ZSWIM6: variants seen among roughly 807,000 people sequenced by gnomAD.
ZSWIM6 encodes the protein zinc finger SWIM domain-containing protein 6.
A neutral mutation model predicts 113.2 loss-of-function variants in ZSWIM6; 9 were observed. The ratio of observed to expected loss-of-function variants is 0.08; its 90% CI spans 0.05 to 0.14. ZSWIM6 has a LOEUF of 0.14. ZSWIM6 is among the 10% of genes least tolerant of loss of function. The probability of loss-of-function intolerance (pLI) is 1.00; values close to 1 mark genes in which losing one functional copy is unlikely to be tolerated. For synonymous variants in ZSWIM6, 611 were observed against 606.5 expected (o/e 1.01, Z -0.11); for missense variants, 1,162 against 1,552.2 (o/e 0.75, Z 4.22).
chr5:61,504,510 G>A (rs923982545), intron 4 of ZSWIM6, among the ~76,000 whole-genome samples: 1 of 152,228 alleles, frequency 6.6e-6, no homozygotes, highest in East Asian at 1.9e-4. Flanking sequence ...CCCATCATAA[G>A]TTCTTTCTGA....
At chr5:61,526,719 G>A (rs1749294833) in intron 7 of ZSWIM6, among the ~76,000 whole-genome samples, 1 of 152,130 alleles carries the variant, frequency 6.6e-6, no homozygotes. Flanking sequence ...TTTTGTGGAA[G>A]TGCATTTTAA....
chr5:61,393,385 T>TA (rs1317892255), intron 1 of ZSWIM6, among the ~76,000 whole-genome samples: 12 of 152,150 alleles, frequency 7.9e-5, no homozygotes, highest in African/African-American at 2.9e-4. Context: ...TTTTCACTAT[T>TA]ATGAACAATT....
chr5:61,353,152 A>T (rs1412838602), intron 1 of ZSWIM6, among the ~76,000 whole-genome samples: 2 of 152,190 alleles, frequency 1.3e-5, no homozygotes, highest in African/African-American at 4.8e-5. Context: ...TTTCTGTCTC[A>T]AAGTGGTCTT....
intron 7 of ZSWIM6, among the ~76,000 whole-genome samples, chr5:61,527,362 T>G (rs1198239077): frequency 6.6e-6 from 1 of 152,190 alleles, no homozygotes; most frequent in Non-Finnish European, 1.5e-5. Flanking sequence ...TTTGGTTATA[T>G]TTTTGTTTTT....
chr5:61,419,192 G>A (rs555509148), intron 1 of ZSWIM6, among the ~76,000 whole-genome samples: 182 of 152,318 alleles, frequency 1.2e-3, no homozygotes, highest in African/African-American at 4.2e-3. Flanking sequence ...AGCCATTGTG[G>A]CCTATAGATT....
At chr5:61,486,482 T>C (rs1748026129) in intron 2 of ZSWIM6, among the ~76,000 whole-genome samples, 1 of 152,204 alleles carries the variant, frequency 6.6e-6, no homozygotes, top group Admixed American at 6.5e-5. Flanking sequence ...CTGGATGGAA[T>C]GGTAGTTCTA....
chr5:61,536,723 C>G (rs1177305509), intron 10 of ZSWIM6, among the ~76,000 whole-genome samples: 1 of 152,146 alleles, frequency 6.6e-6, no homozygotes, highest in African/African-American at 2.4e-5. Flanking sequence ...GTGTATGTGT[C>G]TGTGTGTATA....
chr5:61,507,169 A>C (rs1026599152), intron 4 of ZSWIM6, among the ~76,000 whole-genome samples: 1 of 152,178 alleles, frequency 6.6e-6, no homozygotes, highest in African/African-American at 2.4e-5. Flanking sequence ...TTTTCCTGGG[A>C]TATATGGAGA....
At chr5:61,359,081 G>A (rs1561206271) in intron 1 of ZSWIM6, among the ~76,000 whole-genome samples, 2 of 152,174 alleles carry the variant, frequency 1.3e-5, no homozygotes, top group Non-Finnish European at 2.9e-5. Flanking sequence ...TTATGATAGT[G>A]ATGGTTTGGT....
chr5:61,537,471 C>T (rs1363870038), intron 10 of ZSWIM6, among the ~76,000 whole-genome samples: 1 of 152,066 alleles, frequency 6.6e-6, no homozygotes, highest in Non-Finnish European at 1.5e-5. Flanking sequence ...CTTCAGCACT[C>T]ATTTTCTCAT....
chr5:61,409,078 T>G (rs1341377451), intron 1 of ZSWIM6, among the ~76,000 whole-genome samples: 7 of 118,126 alleles, frequency 5.9e-5, no homozygotes, highest in African/African-American at 2.4e-4. Context: ...AAGGTTTTTT[T>G]TTTTTTTTTT....
intron 1 of ZSWIM6, among the ~76,000 whole-genome samples, chr5:61,353,442 G>C (rs1391327317): frequency 2.0e-5 from 3 of 152,140 alleles, no homozygotes; most frequent in African/African-American, 7.2e-5. Context: ...AGGCCTCCCA[G>C]CTCTCAAGTG....
intron 1 of ZSWIM6, among the ~76,000 whole-genome samples, chr5:61,464,079 C>T (rs1462944778): frequency 6.6e-6 from 1 of 150,946 alleles, no homozygotes; most frequent in Non-Finnish European, 1.5e-5. Flanking sequence ...GCAGCCTCTG[C>T]CTCCTGGGTT....
At chr5:61,500,479 G>C (rs1286269253) in intron 4 of ZSWIM6, among the ~76,000 whole-genome samples, 1 of 152,056 alleles carries the variant, frequency 6.6e-6, no homozygotes, top group East Asian at 1.9e-4. Flanking sequence ...CTCTCTACTC[G>C]GAGCAGAGCA....
intron 1 of ZSWIM6, among the ~76,000 whole-genome samples, chr5:61,407,602 A>G (rs1181907308): frequency 6.6e-6 from 1 of 152,204 alleles, no homozygotes; most frequent in African/African-American, 2.4e-5. Context: ...TACACAAAAC[A>G]CTGCTTTTCG....
intron 4 of ZSWIM6, among the ~76,000 whole-genome samples, chr5:61,496,252 C>T (rs1748312198): frequency 1.3e-5 from 2 of 152,068 alleles, no homozygotes; most frequent in Non-Finnish European, 2.9e-5. Flanking sequence ...GTGTGCCCCC[C>T]ACCCACTGCC....
At chr5:61,413,453 T>C (rs1176267976) in intron 1 of ZSWIM6, among the ~76,000 whole-genome samples, 1 of 152,142 alleles carries the variant, frequency 6.6e-6, no homozygotes, top group Non-Finnish European at 1.5e-5. Flanking sequence ...TCCAAGTCTT[T>C]GCTATTGTGA....
chr5:61,531,735 T>TA lies in ZSWIM6; in HGVS notation c.2245+11dup. ...GTCTTCCTATTAGAAGGTAGCCTGA[T>TA]ACAGAAGTTTTCCACTTATTTAGCC... On this transcript the variant is annotated intron_variant, in intron 9 of 13. Transcript: ENST00000252744. 1 of 1,550,180 alleles carries TA rather than the reference T, an allele frequency of 6.5e-7. No individual in the cohort carries two copies. Among genetic ancestry groups the TA allele is most frequent in the East Asian group, 2.4e-5 (1 of 40,894 alleles).
chr5:61,428,229 TG>T (rs372762583), intron 1 of ZSWIM6, among the ~76,000 whole-genome samples: 98 of 152,348 alleles, frequency 6.4e-4, no homozygotes, highest in African/African-American at 2.2e-3. Flanking sequence ...GACTGTCATA[TG>T]TTTTTTTGCA....
Sources: gnomAD v4.1 joint callset for allele counts (sites outside exome capture counted in the v4.1 genomes callset) on GRCh38, gnomAD v4.1.1 for gene constraint, MANE v1.5 for transcripts, NCBI Gene and HGNC (gene_info 2026-07-23, HGNC 2026-07-21) for gene names.